Variants in DAZL observed in about 807,000 individuals in gnomAD.
DAZL encodes the protein deleted in azoospermia-like.
A neutral mutation model predicts 45.0 loss-of-function variants in DAZL; 4 were observed. That is an observed-to-expected ratio of 0.09 (90% CI 0.04 to 0.20). DAZL has a LOEUF of 0.20. DAZL is among the 10% of genes least tolerant of loss of function. The pLI, the probability that DAZL is intolerant of heterozygous loss-of-function variation, is 1.00. For synonymous variants in DAZL, 122 were observed against 112.4 expected (o/e 1.09, Z -0.54); for missense variants, 326 against 351.3 (o/e 0.93, Z 0.58).
At position 16,605,187 on chromosome 3, in the gene DAZL, C is replaced by T. The variant is rs1694760369; in HGVS notation, c.3+16G>A. 2 of 1,614,170 alleles carry T rather than the reference C, an allele frequency of 1.2e-6. No homozygotes were observed. The highest frequency in any genetic ancestry group is 1.7e-6 in the Non-Finnish European group (2 of 1,180,000). On this transcript the variant is annotated intron_variant, in intron 1 of 10. Transcript: ENST00000399444. ...ACTCCGCCAGCCTTGCCCCTCGGGC[C>T]TCTCCCTCAACTCACCATGATGGCG...
chr3:16,600,432 C>T (rs1048683998), intron 1 of DAZL, among the ~76,000 whole-genome samples: 2 of 152,108 alleles, frequency 1.3e-5, no homozygotes, highest in African/African-American at 4.8e-5. Context: ...TAAATAATTC[C>T]TAATTCTTTC....
rs139892372 is a variant in DAZL at position 16,588,095 on chromosome 3, G to A, written c.*565C>T. ...TGAATAAACATATGACCCACTGATT[G>A]GACTGTTCGCTTTGAATCTGTTTTG... On this transcript the variant is annotated 3_prime_UTR_variant, in exon 11 of 11. Transcript: ENST00000399444. 20 of 158,762 alleles carry A rather than the reference G, an allele frequency of 1.3e-4. 1 individual carries two copies. The East Asian group carries it at 3.6e-3, about 28-fold the overall frequency. The allele number at this position is 158,762 out of a possible 1,614,324, so 9.8% of individuals were successfully genotyped here.
At chr3:16,593,602 T>G (rs1694553806) in intron 9 of DAZL, 53 bp downstream of exon 9, 3 of 1,176,750 alleles carry the variant, frequency 2.5e-6, no homozygotes, top group Non-Finnish European at 2.4e-6. Context: ...AAACCATTAT[T>G]AAAACTAGAA....
At chr3:16,596,643 T>C in intron 6 of DAZL, 107 bp downstream of exon 6, 1 of 1,243,772 alleles carries the variant, frequency 8.0e-7, no homozygotes, top group Middle Eastern at 2.7e-4. Context: ...ACTCAAAGTA[T>C]TCAAACAGGG....
intron 10 of DAZL, among the ~76,000 whole-genome samples, chr3:16,590,505 AAT>A (rs1694501757): frequency 6.6e-6 from 1 of 152,206 alleles, no homozygotes; most frequent in Non-Finnish European, 1.5e-5. Flanking sequence ...CTGAAGGTTA[AAT>A]ATGACTTAGC....
chr3:16,597,203 C>T (rs1156913227), intron 4 of DAZL, 152 bp from the exon 5 acceptor site: 5 of 1,094,288 alleles, frequency 4.6e-6, no homozygotes, highest in Non-Finnish European at 4.0e-6. Context: ...ATGAAGCTAC[C>T]TTACCCTTAT....
chr3:16,604,363 T>C (rs1230776091), intron 1 of DAZL: 35 of 1,284,650 alleles, frequency 2.7e-5, no homozygotes, highest in Non-Finnish European at 3.3e-5. Context: ...CAAAGGATCC[T>C]GGTTTATCGA....
chr3:16,595,409 A>C (rs776104627), intron 6 of DAZL, 24 bp from the exon 7 acceptor site: 2 of 1,367,550 alleles, frequency 1.5e-6, no homozygotes, highest in Non-Finnish European at 2.1e-6. Flanking sequence ...TTACAGAAAG[A>C]ATGAATAATA....
At chr3:16,591,137 T>C (rs968809400) in intron 10 of DAZL, among the ~76,000 whole-genome samples, 1 of 152,206 alleles carries the variant, frequency 6.6e-6, no homozygotes, top group African/African-American at 2.4e-5. Flanking sequence ...GACTTAGAAC[T>C]ACAGGGACCC....
chr3:16,604,349 T>C (rs970960626), intron 1 of DAZL: 1 of 1,194,476 alleles, frequency 8.4e-7, no homozygotes, highest in South Asian at 1.4e-5. Context: ...AATGGACATT[T>C]TGTCAAAGGA....
rs757143585 is a variant in DAZL, at chr3:16,588,663, A to G, written c.885T>C (p.Val295=). 5.0e-6 allele frequency: 8 copies of G among 1,610,140 alleles called. No individual in the cohort carries two copies. The Admixed American group carries it at 1.3e-4, about 27-fold the overall frequency. The change falls in exon 11 of 11, where the codon GTT becomes GTC. Residue 295 remains valine, a synonymous_variant. Coordinates refer to ENST00000399444, the MANE Select transcript of DAZL (RefSeq NM_001351.4). ...GTAACTAGATAAGCCAGGAGGATCA[A>G]ACAGATTTAAGCATTGCCCGACTTC... ...FRRSRAMLKS[V] is the part of the protein sequence containing the mutation.
In DAZL at chr3:16,588,658, G is replaced by A; in HGVS notation, c.*2C>T. ...CCCATGTAACTAGATAAGCCAGGAG[G>A]ATCAAACAGATTTAAGCATTGCCCG... On this transcript the variant is annotated 3_prime_UTR_variant, in exon 11 of 11. Coordinates refer to ENST00000399444, the MANE Select transcript of DAZL (RefSeq NM_001351.4). 3 of 1,608,264 alleles carry A rather than the reference G, an allele frequency of 1.9e-6. No homozygotes were observed. Among genetic ancestry groups the A allele is most frequent in the Non-Finnish European group, 1.7e-6 (2 of 1,175,164 alleles).
chr3:16,592,027 G>A (rs528840693), intron 10 of DAZL, 23 bp downstream of exon 10: 28 of 1,603,584 alleles, frequency 1.7e-5, no homozygotes, highest in South Asian at 8.8e-5. Flanking sequence ...CTTTTTAATT[G>A]TGCGTAACTG....
At chr3:16,592,233 A>G (rs1694532098) in intron 9 of DAZL, 85 bp from the exon 10 acceptor site, 15 of 1,543,122 alleles carry the variant, frequency 9.7e-6, no homozygotes, top group Non-Finnish European at 1.3e-5. Context: ...TTTAATGAAT[A>G]TATTACTTTA....
intron 9 of DAZL, among the ~76,000 whole-genome samples, chr3:16,592,747 G>A (rs1559401744): frequency 6.6e-6 from 1 of 151,956 alleles, no homozygotes; most frequent in African/African-American, 2.4e-5. Flanking sequence ...AAAATATTCA[G>A]GACAAAACCT....
At chr3:16,593,875 G>A in intron 8 of DAZL, 107 bp from the exon 9 acceptor site, 1 of 686,966 alleles carries the variant, frequency 1.5e-6, no homozygotes, top group South Asian at 2.0e-5. Context: ...AATGTAGGTT[G>A]TGTTGAAATT....
chr3:16,599,955 A>G (rs752996976), intron 1 of DAZL, among the ~76,000 whole-genome samples: 1 of 152,204 alleles, frequency 6.6e-6, no homozygotes, highest in Non-Finnish European at 1.5e-5. Flanking sequence ...ATAAAGTGGT[A>G]TATCAATATA....
intron 1 of DAZL, among the ~76,000 whole-genome samples, chr3:16,599,080 G>C (rs1296670019): frequency 2.0e-5 from 3 of 152,082 alleles, no homozygotes; most frequent in African/African-American, 7.2e-5. Flanking sequence ...ACCACGCGCA[G>C]CCAGGATACA....
Position 16,592,310 on chromosome 3 carries a change from A to C in DAZL, c.736-162T>G, listed in dbSNP as rs183757117. Among the ~76,000 whole-genome samples, 3 of 152,250 alleles carry C rather than the reference A, an allele frequency of 2.0e-5. No homozygotes were observed. In the East Asian group the frequency reaches 5.8e-4, roughly 29 times the overall value. ...GGTGGCTCACGCCTGTAATCCCAGCACTTTAGGAGGCCAAGGCAGGAGGAT... is the reference window on the plus strand; with the variant it reads ...GGTGGCTCACGCCTGTAATCCCAGCCCTTTAGGAGGCCAAGGCAGGAGGAT... On this transcript the variant is annotated intron_variant, in intron 9 of 10. Coordinates refer to ENST00000399444, the MANE Select transcript of DAZL (RefSeq NM_001351.4).
Sources: allele counts gnomAD v4.1 joint callset (sites outside exome capture counted in the v4.1 genomes callset), GRCh38; gene constraint gnomAD v4.1.1; transcripts MANE v1.5; gene names NCBI Gene and HGNC (gene_info 2026-07-23, HGNC 2026-07-21).